The following PTPRT variants were observed in gnomAD, a reference collection of about 807,000 sequenced individuals.
PTPRT encodes protein tyrosine phosphatase receptor type T.
In PTPRT, 56 loss-of-function variants were observed where a neutral mutation model predicts 176.8. That is an observed-to-expected ratio of 0.32 (90% confidence interval 0.26 to 0.40). The LOEUF (loss-of-function observed/expected upper bound fraction) is 0.40. Ranked by LOEUF, PTPRT falls within the 10% of genes least tolerant of loss-of-function variation. The pLI is 1.00. For missense variants in PTPRT, 1,540 were observed against 1,908.2 expected (o/e 0.81, Z 3.60); for synonymous variants, 783 against 739.0 (o/e 1.06, Z -0.96).
intron 2 of PTPRT, among the ~76,000 whole-genome samples, chr20:42,828,518 CAGG>C (rs1186636066): frequency 5.9e-5 from 9 of 152,172 alleles, no homozygotes; most frequent in Non-Finnish European, 2.9e-5. Context: ...AAAATGTCTC[CAGG>C]GCACGTGAAA....
At chr20:42,269,295 A>T (rs773008696) in intron 13 of PTPRT, among the ~76,000 whole-genome samples, 16 of 152,214 alleles carry the variant, frequency 1.1e-4, no homozygotes, top group Non-Finnish European at 2.1e-4. Context: ...ACAGGGTGGC[A>T]GGAGTGAACT....
chr20:43,000,729 C>T (rs549876196), intron 1 of PTPRT, among the ~76,000 whole-genome samples: 1 of 151,558 alleles, frequency 6.6e-6, no homozygotes, highest in Non-Finnish European at 1.5e-5. Flanking sequence ...AAAAAATAAA[C>T]AACAAGGATC....
At chr20:42,561,627 T>C (rs974957326) in intron 7 of PTPRT, among the ~76,000 whole-genome samples, 3 of 152,204 alleles carry the variant, frequency 2.0e-5, no homozygotes, top group Non-Finnish European at 4.4e-5. Flanking sequence ...TGGTTTTTCA[T>C]GGAGTCAGGG....
chr20:43,001,713 T>C (rs952297448), intron 1 of PTPRT, among the ~76,000 whole-genome samples: 3 of 152,156 alleles, frequency 2.0e-5, no homozygotes, highest in Non-Finnish European at 2.9e-5. Context: ...CTTTTATACA[T>C]GATTAAGCTG....
At position 42,426,217 on chromosome 20, in the gene PTPRT, C is replaced by A. The variant is rs144885849; in HGVS notation, c.1560+22003G>T. On this transcript the variant is annotated intron_variant, in intron 9 of 30. Coordinates refer to ENST00000373187, the MANE Select transcript of PTPRT (RefSeq NM_007050.6). ...ATGTGGCCTTTTGGCTCACCACACT[C>A]CCCTATCCTGTACCCATATAAAACC... Among the ~76,000 whole-genome samples, 741 of 152,158 alleles carry A rather than the reference C, an allele frequency of 4.9e-3. 5 individuals are homozygous for A. Among genetic ancestry groups the A allele is most frequent in the African/African-American group, 0.017 (694 of 41,510 alleles).
intron 7 of PTPRT, among the ~76,000 whole-genome samples, chr20:42,481,125 G>A (rs930338412): frequency 1.3e-5 from 2 of 151,766 alleles, no homozygotes; most frequent in African/African-American, 4.8e-5. Context: ...TGCTATTATA[G>A]TGCAAATGTA....
At chr20:43,039,366 AC>A (rs1198561377) in intron 1 of PTPRT, among the ~76,000 whole-genome samples, 2 of 76,590 alleles carry the variant, frequency 2.6e-5, no homozygotes, top group Non-Finnish European at 4.4e-5. Context: ...TAAAAAAAAA[AC>A]CACAAAATCT....
At chr20:42,732,764 T>C (rs996467554) in intron 6 of PTPRT, among the ~76,000 whole-genome samples, 5 of 152,160 alleles carry the variant, frequency 3.3e-5, no homozygotes, top group Non-Finnish European at 7.3e-5. Flanking sequence ...AATATTTGCC[T>C]CAGGGCCCAG....
chr20:42,088,629 T>A (rs1984277191), intron 27 of PTPRT, among the ~76,000 whole-genome samples: 1 of 152,232 alleles, frequency 6.6e-6, no homozygotes, highest in African/African-American at 2.4e-5. Context: ...CAGCTGCCTA[T>A]TTTTGCATAT....
intron 9 of PTPRT, among the ~76,000 whole-genome samples, chr20:42,425,763 G>C (rs1204111110): frequency 6.6e-6 from 1 of 152,118 alleles, no homozygotes; most frequent in African/African-American, 2.4e-5. Flanking sequence ...CTTCAATAAA[G>C]CTGGGGTAAA....
chr20:42,873,195 C>T (rs2078874221), intron 2 of PTPRT, among the ~76,000 whole-genome samples: 1 of 152,170 alleles, frequency 6.6e-6, no homozygotes, highest in Non-Finnish European at 1.5e-5. Flanking sequence ...GCCTGGGAGT[C>T]ATCAGTGGGT....
At chr20:43,108,290 C>T (rs2012704476) in intron 1 of PTPRT, among the ~76,000 whole-genome samples, 1 of 152,208 alleles carries the variant, frequency 6.6e-6, no homozygotes, top group Non-Finnish European at 1.5e-5. Context: ...GCTGAAGCCA[C>T]ATGGAGAAGC....
intron 7 of PTPRT, among the ~76,000 whole-genome samples, chr20:42,579,149 A>C (rs531532415): frequency 4.1e-5 from 6 of 145,432 alleles, no homozygotes; most frequent in Non-Finnish European, 6.0e-5. Flanking sequence ...ATGAGTGAGA[A>C]TATGCGGTGT....
chr20:43,032,954 T>C (rs945186386), intron 1 of PTPRT, among the ~76,000 whole-genome samples: 1 of 152,208 alleles, frequency 6.6e-6, no homozygotes, highest in Non-Finnish European at 1.5e-5. Context: ...TTTCCATCTA[T>C]AAAATTTATG....
chr20:43,041,088 G>A (rs1182850020), intron 1 of PTPRT, among the ~76,000 whole-genome samples: 1 of 152,182 alleles, frequency 6.6e-6, no homozygotes, highest in African/African-American at 2.4e-5. Context: ...AACAAGCCCT[G>A]CATGTGATTC....
At chr20:43,096,176 G>A (rs73265847) in intron 1 of PTPRT, among the ~76,000 whole-genome samples, 1,613 of 141,952 alleles carry the variant, frequency 0.011, 33 homozygotes, top group African/African-American at 0.037. Flanking sequence ...CTATCTCCCC[G>A]CCTTGCTCCC....
At chr20:43,096,678 G>A (rs925438626) in intron 1 of PTPRT, among the ~76,000 whole-genome samples, 1 of 152,236 alleles carries the variant, frequency 6.6e-6, no homozygotes, top group Non-Finnish European at 1.5e-5. Flanking sequence ...CAGATGCACT[G>A]AGAAGGCCAG....
chr20:42,183,140 C>A (rs7262414), intron 16 of PTPRT, among the ~76,000 whole-genome samples: 23,831 of 152,128 alleles, frequency 0.16, 2,189 homozygotes, highest in Non-Finnish European at 0.2. Flanking sequence ...TAGCTCCTTG[C>A]AGAAACATAA....
chr20:43,049,604 T>C (rs955496945), intron 1 of PTPRT, among the ~76,000 whole-genome samples: 2 of 152,242 alleles, frequency 1.3e-5, no homozygotes, highest in Admixed American at 1.3e-4. Flanking sequence ...TGAGCCTATG[T>C]GACCAGACAG....
Sources: allele counts gnomAD v4.1 joint callset (sites outside exome capture counted in the v4.1 genomes callset), GRCh38; gene constraint gnomAD v4.1.1; transcripts MANE v1.5; gene names NCBI Gene and HGNC (gene_info 2026-07-23, HGNC 2026-07-21).